The following THEM4 variants were observed in gnomAD, a reference collection of about 807,000 sequenced individuals.
THEM4 encodes the protein acyl-coenzyme A thioesterase THEM4.
THEM4 carries 22 observed loss-of-function variants against 25.0 expected under a neutral mutation model. That is an observed-to-expected ratio of 0.88 (90% CI 0.63 to 1.26). THEM4 has a LOEUF of 1.26. Among genes scored for constraint, THEM4 ranks in the 50% most tolerant of loss-of-function variants. The pLI is 0.00. For synonymous variants in THEM4, 113 were observed against 105.6 expected (o/e 1.07, Z -0.43); for missense variants, 286 against 300.3 (o/e 0.95, Z 0.35).
At position 151,874,177 on chromosome 1, in the gene THEM4, C is replaced by A. The variant is rs1272096149; in HGVS notation, c.*711G>T. ...AAAAGATTCATGTGTTCAGATACAA[C>A]AAAGCTAGCTTTCTAACTTACTAAC... On this transcript the variant is annotated 3_prime_UTR_variant, in exon 6 of 6. Transcript: ENST00000368814. The A allele has an allele frequency of 6.6e-6, 1 of 152,268 alleles. No homozygotes were observed. Among genetic ancestry groups the A allele is most frequent in the Non-Finnish European group, 1.5e-5 (1 of 68,072 alleles). The allele number at this position is 152,268 out of a possible 1,614,324, so 9.4% of individuals were successfully genotyped here.
intron 1 of THEM4, among the ~76,000 whole-genome samples, chr1:151,897,487 G>A (rs1654250974): frequency 6.6e-6 from 1 of 152,192 alleles, no homozygotes; most frequent in South Asian, 2.1e-4. Flanking sequence ...TCAGTTTTGG[G>A]ACTCTGACTG....
At chr1:151,901,015 AGCCCATCCCTTTGTTTTG>A (rs1158776170) in intron 1 of THEM4, among the ~76,000 whole-genome samples, 2 of 152,260 alleles carry the variant, frequency 1.3e-5, no homozygotes, top group African/African-American at 4.8e-5. Context: ...AACTAGCCAG[AGCCCATCCCTTTGTTTTG>A]GCCCATCCCT....
At chr1:151,896,800 A>G (rs1226656322) in intron 1 of THEM4, among the ~76,000 whole-genome samples, 1 of 152,238 alleles carries the variant, frequency 6.6e-6, no homozygotes, top group African/African-American at 2.4e-5. Flanking sequence ...TCATGAGAGC[A>G]TGAAGCAGAA....
intron 4 of THEM4, among the ~76,000 whole-genome samples, chr1:151,880,404 G>A (rs912006714): frequency 2.0e-5 from 3 of 151,968 alleles, no homozygotes; most frequent in African/African-American, 7.3e-5. Flanking sequence ...CTTGAATCCA[G>A]CAGGCGGAGG....
At chr1:151,900,046 C>T (rs1408918789) in intron 1 of THEM4, among the ~76,000 whole-genome samples, 2 of 152,140 alleles carry the variant, frequency 1.3e-5, no homozygotes, top group Non-Finnish European at 2.9e-5. Flanking sequence ...ATTCTGTATC[C>T]AGTGAAACTA....
intron 1 of THEM4, among the ~76,000 whole-genome samples, chr1:151,899,869 C>T (rs1348473753): frequency 6.6e-6 from 1 of 152,136 alleles, no homozygotes; most frequent in Non-Finnish European, 1.5e-5. Flanking sequence ...TTATCCAAAG[C>T]TAAGACAAAG....
intron 4 of THEM4, among the ~76,000 whole-genome samples, chr1:151,883,230 C>G (rs1441232381): frequency 1.3e-5 from 2 of 151,830 alleles, no homozygotes; most frequent in Non-Finnish European, 2.9e-5. Context: ...CCTGCCTCAG[C>G]CTCCTGAGTA....
intron 1 of THEM4, among the ~76,000 whole-genome samples, chr1:151,908,967 T>G (rs556875568): frequency 6.6e-6 from 1 of 152,324 alleles, no homozygotes; most frequent in Non-Finnish European, 1.5e-5. Context: ...GGATCAAATA[T>G]TTTTTTAAAG....
intron 2 of THEM4, among the ~76,000 whole-genome samples, chr1:151,893,347 G>C (rs150926114): frequency 2.6e-3 from 354 of 137,554 alleles, no homozygotes; most frequent in African/African-American, 6.7e-3. Flanking sequence ...ATTCCAGCCT[G>C]AGTGACTCAG....
Position 151,870,970 on chromosome 1 carries a change from T to C in THEM4, c.*3918A>G, listed in dbSNP as rs1035649117. ...TATGTTTACACTGATAGTTTAAAGA[T>C]ATTTTAGCACTAACCAGCATCAATT... On this transcript the variant is annotated 3_prime_UTR_variant, in exon 6 of 6. Transcript: ENST00000368814. 6.6e-6 allele frequency among the ~76,000 whole-genome samples: 1 copy of C among 152,214 alleles called. No homozygotes were observed. Among genetic ancestry groups the C allele is most frequent in the Non-Finnish European group, 1.5e-5 (1 of 68,036 alleles).
At chr1:151,896,564 T>G (rs914768042) in intron 1 of THEM4, among the ~76,000 whole-genome samples, 1 of 152,188 alleles carries the variant, frequency 6.6e-6, no homozygotes, top group African/African-American at 2.4e-5. Flanking sequence ...TAAAAGAAGT[T>G]TGGCATTATT....
chr1:151,899,482 CA>C (rs58168472), intron 1 of THEM4, among the ~76,000 whole-genome samples: 2,110 of 94,560 alleles, frequency 0.022, 29 homozygotes, highest in African/African-American at 0.046. Context: ...CAGAGTGAGT[CA>C]AAAAAAAAAA....
chr1:151,877,428 G>A (rs576918534), intron 4 of THEM4, among the ~76,000 whole-genome samples: 11 of 152,310 alleles, frequency 7.2e-5, no homozygotes, highest in Middle Eastern at 3.4e-3. Context: ...ATCCCATCTG[G>A]AGATCCACTG....
At chr1:151,890,168 G>A (rs1321259425) in intron 2 of THEM4, 2 of 456,594 alleles carry the variant, frequency 4.4e-6, no homozygotes, top group Admixed American at 2.4e-5. Flanking sequence ...GCCTCCCAAA[G>A]TGCTGGGATT....
At chr1:151,879,759 C>T (rs1409560658) in intron 4 of THEM4, among the ~76,000 whole-genome samples, 3 of 150,966 alleles carry the variant, frequency 2.0e-5, no homozygotes, top group East Asian at 1.9e-4. Flanking sequence ...TGGGTTCAAG[C>T]GATTCTCCTG....
At chr1:151,883,730 G>A (rs914902410) in intron 4 of THEM4, among the ~76,000 whole-genome samples, 2 of 151,052 alleles carry the variant, frequency 1.3e-5, no homozygotes, top group African/African-American at 2.4e-5. Context: ...CCAGGTTCAA[G>A]CGATTCTCCT....
Position 151,871,815 on chromosome 1 carries a change from T to C in THEM4, c.*3073A>G, listed in dbSNP as rs540919637. Among the ~76,000 whole-genome samples the C allele has an allele frequency of 2.0e-5, 3 of 152,354 alleles. No homozygotes were observed. The highest frequency in any genetic ancestry group is 2.1e-4 in the South Asian group (1 of 4,832). On this transcript the variant is annotated 3_prime_UTR_variant, in exon 6 of 6. Coordinates refer to ENST00000368814, the MANE Select transcript of THEM4 (RefSeq NM_053055.5). ...ACTTGGCTGGAGGTCTGGTGTGCCA[T>C]AGCAGTTCTGCAAGCCTGCCAGAGA...
intron 1 of THEM4, among the ~76,000 whole-genome samples, chr1:151,899,243 A>G (rs1048344164): frequency 5.9e-5 from 9 of 152,266 alleles, no homozygotes; most frequent in African/African-American, 1.9e-4. Flanking sequence ...CTGTAATCCC[A>G]GCACTTTGCG....
chr1:151,889,742 T>C (rs969395404), intron 2 of THEM4: 1 of 170,130 alleles, frequency 5.9e-6, no homozygotes, highest in Admixed American at 5.8e-5. Flanking sequence ...AAATAAAAAA[T>C]GTAACAGAAA....
Sources: allele counts gnomAD v4.1 joint callset (sites outside exome capture counted in the v4.1 genomes callset), GRCh38; gene constraint gnomAD v4.1.1; transcripts MANE v1.5; gene names NCBI Gene and HGNC (gene_info 2026-07-23, HGNC 2026-07-21).